MAPK15: variants seen among roughly 807,000 people sequenced by gnomAD.
MAPK15 encodes mitogen-activated protein kinase 15.
In MAPK15, 61 loss-of-function variants were observed where a neutral mutation model predicts 60.8. The ratio of observed to expected loss-of-function variants is 1.00; its 90% CI spans 0.82 to 1.24. MAPK15 has a LOEUF of 1.24. MAPK15 is among the 50% of genes most tolerant of loss of function. MAPK15 has a pLI of 0.00. For missense variants in MAPK15, 808 were observed against 741.1 expected, an observed-to-expected ratio of 1.09 and a Z score of -1.05; for synonymous variants, 356 against 319.9, an observed-to-expected ratio of 1.11 and a Z score of -1.21.
Position 143,716,391 on chromosome 8 carries a change from T to C in MAPK15, c.14T>C (p.Val5Ala), listed in dbSNP as rs781838103. 6 of 1,605,020 alleles carry C rather than the reference T, an allele frequency of 3.7e-6. No individual in the cohort carries two copies. The highest frequency in any genetic ancestry group is 2.3e-5 in the East Asian group (1 of 43,914). Residue 5 changes from valine (V) to alanine (A), a missense_variant, in exon 1 of 14, where the codon GTG becomes GCG. By Grantham distance (64) the Val-to-Ala change is moderately conservative. Transcript: ENST00000338033. MCTV[V>A]DPRIVRRYLL... ...GTCCTGGCCGCCATGTGCACCGTAGTGGACCCTCGCATTGTCCGGAGATAC... is the reference window on the plus strand; with the variant it reads ...GTCCTGGCCGCCATGTGCACCGTAGCGGACCCTCGCATTGTCCGGAGATAC...
At chr8:143,717,640 T>C in intron 1 of MAPK15, 54 bp from the exon 2 acceptor site, 3 of 1,429,676 alleles carry the variant, frequency 2.1e-6, no homozygotes, top group Non-Finnish European at 2.9e-6. Context: ...ACAATCTGGG[T>C]GGGCAGGGGA....
Position 143,720,428 on chromosome 8 carries a change from C to G in MAPK15, c.779+141C>G. On this transcript the variant is annotated intron_variant, in intron 8 of 13. Transcript: ENST00000338033. The surrounding 1 kb of genome is among the most constrained non-coding windows in gnomAD (Gnocchi z 4.6). ...AAGATGGCAGTCCCAAACCCAACAA[C>G]TGTTGGCCACACTGAAAGCAGGAGC... is the stretch of plus-strand genomic sequence containing the variant. 1 of 1,448,408 alleles carries G rather than the reference C, an allele frequency of 6.9e-7. No individual in the cohort carries two copies. The allele number at this position is 1,448,408 out of a possible 1,614,324, so 89.7% of individuals were successfully genotyped here. A position where few individuals can be genotyped will look rare whatever the true frequency, so the allele number is the denominator to read the frequency against.
rs782155789 is a variant in MAPK15 at position 143,721,281 on chromosome 8, G to A, written c.1074G>A (p.Pro358=). The A allele has an allele frequency of 9.9e-6, 16 of 1,613,436 alleles. No individual in the cohort carries two copies. The highest frequency in any genetic ancestry group is 1.6e-4 in the Middle Eastern group (1 of 6,080). ...GSSGTSREKG[P]EGVSPSQAHL... is the part of the protein sequence containing the mutation. ...GCGGCACCTCGAGAGAGAAGGGCCC[G>A]GAGGGTGTCTCCCCAAGCCAGGCAC... The change falls in exon 11 of 14, where the codon CCG becomes CCA. Residue 358 remains proline, a synonymous_variant. Transcript: ENST00000338033.
In MAPK15 at chr8:143,720,528, G is replaced by A. The variant is rs573401501; in HGVS notation, c.780-175G>A. ...GAGAGGAGGGCACCAGGGGGCCGCAGGGGTCTCTCCACCCTGCAGGGGCCC... is the reference window on the plus strand; with the variant it reads ...GAGAGGAGGGCACCAGGGGGCCGCAAGGGTCTCTCCACCCTGCAGGGGCCC... On this transcript the variant is annotated intron_variant, in intron 8 of 13. Transcript: ENST00000338033. The surrounding 1 kb of genome is among the most constrained non-coding windows in gnomAD (Gnocchi z 4.6). The A allele has an allele frequency of 3.7e-5, 54 of 1,455,514 alleles. No individual in the cohort carries two copies. The African/African-American group carries it at 6.7e-4, about 18-fold the overall frequency. 90.2% of individuals were successfully genotyped at this position (1,455,514 alleles called of 1,614,324 possible). A position where few individuals can be genotyped will look rare whatever the true frequency, so the allele number is the denominator to read the frequency against.
At position 143,721,651 on chromosome 8, in the gene MAPK15, C is replaced by T. The variant is rs200756292; in HGVS notation, c.1307C>T (p.Ala436Val). ...NGERPPGAKE[A>V]PPLTLSLVKP... ...GAAAGGCCCCCTGGGGCGAAGGAAG[C>T]GCCCCCCTTGACACTCTCGCTGGTA... Residue 436 changes from alanine to valine, a missense_variant, in exon 12 of 14, where the codon GCG (alanine) becomes GTG (valine). Ala to Val is a moderately conservative substitution (Grantham distance 64, BLOSUM62 0). Transcript: ENST00000338033. The T allele has an allele frequency of 5.9e-5, 95 of 1,608,370 alleles. No individual in the cohort carries two copies. The highest frequency in any genetic ancestry group is 3.3e-4 in the Middle Eastern group (2 of 6,028).
chr8:143,720,344 C>T lies in MAPK15; in HGVS notation c.779+57C>T. ...GGTGGCCTATCTCAAGGGAGCAGGG[C>T]CACCTTCCTGCAAGTTTACTGGGGC... On this transcript the variant is annotated intron_variant, in intron 8 of 13. Coordinates refer to ENST00000338033, the MANE Select transcript of MAPK15 (RefSeq NM_139021.3). This position sits in a 1 kb window ranked among gnomAD's most constrained non-coding sequence, Gnocchi z 4.6. 1.3e-6 allele frequency: 2 copies of T among 1,493,352 alleles called. No homozygotes were observed. The highest frequency in any genetic ancestry group is 1.8e-6 in the Non-Finnish European group (2 of 1,118,546). The allele number at this position is 1,493,352 out of a possible 1,614,324, so 92.5% of individuals were successfully genotyped here. A position where few individuals can be genotyped will look rare whatever the true frequency, so the allele number is the denominator to read the frequency against.
At chr8:143,718,727 G>GGGCCCCCCCCC in intron 4 of MAPK15, 48 bp from the exon 5 acceptor site, 4 of 514,504 alleles carry the variant, frequency 7.8e-6, no homozygotes, top group Non-Finnish European at 9.5e-6. Flanking sequence ...CCCCCAGGTT[G>GGGCCCCCCCCC]CCCCCCCAGC....
At chr8:143,718,653 G>A (rs966910136) in intron 4 of MAPK15, 122 bp from the exon 5 acceptor site, 13 of 852,442 alleles carry the variant, frequency 1.5e-5, no homozygotes, top group South Asian at 8.5e-5. Flanking sequence ...ATGGAGGAGC[G>A]GGGCGGCCAG....
At position 143,722,309 on chromosome 8, in the gene MAPK15, C is replaced by G. The variant is rs1333182411; in HGVS notation, c.*58C>G. The stretch of plus-strand genomic sequence containing the variant: ...CCTGCCCCAGCCCCTTCCCCAGACC[C>G]CTCTCCAGTCTCCTGCACCCCTTAG... On this transcript the variant is annotated 3_prime_UTR_variant, in exon 14 of 14. Coordinates refer to ENST00000338033, the MANE Select transcript of MAPK15 (RefSeq NM_139021.3). 47 of 1,440,898 alleles carry G rather than the reference C, an allele frequency of 3.3e-5. No individual in the cohort carries two copies. The highest frequency in any genetic ancestry group is 4.2e-5 in the Non-Finnish European group (45 of 1,077,740). 89.3% of individuals were successfully genotyped at this position (1,440,898 alleles called of 1,614,324 possible).
chr8:143,720,270 G>A lies in MAPK15; in HGVS notation c.762G>A (p.Leu254=), dbSNP rs200797695. ...GCTCAGGCTGCCGTGCCTCTGTGCT[G>A]CACCAGCTGGGGTCCCGGTGAGTGG... ...ALGSGCRASV[L]HQLGSRPRQT... The change falls in exon 8 of 14, where the codon CTG becomes CTA. Residue 254 remains leucine, a synonymous_variant. Transcript: ENST00000338033. This position sits in a 1 kb window ranked among gnomAD's most constrained non-coding sequence, Gnocchi z 4.6. 4 of 1,589,732 alleles carry A rather than the reference G, an allele frequency of 2.5e-6. No individual in the cohort carries two copies. The Admixed American group carries it at 5.2e-5, about 21-fold the overall frequency.
rs2131583363 is a variant in MAPK15, at chr8:143,721,838, C to T, written c.1416C>T (p.Asp472=). The part of the protein sequence containing the change: ...QVANQALIRG[D]WNRGGGVRVA... ...CCAACCAGGCCCTGATCCGGGGTGA[C>T]TGGAACCGGGGCGGTGGGGTGAGGG... Residue 472 remains aspartate, a synonymous_variant, in exon 13 of 14, where the codon GAC becomes GAT. Transcript: ENST00000338033. 1 of 1,609,378 alleles carries T rather than the reference C, an allele frequency of 6.2e-7. No individual in the cohort carries two copies. Among genetic ancestry groups the T allele is most frequent in the South Asian group, 1.1e-5 (1 of 90,608 alleles).
chr8:143,719,183 C>A (rs782355471), intron 6 of MAPK15, 27 bp downstream of exon 6: 8 of 1,510,764 alleles, frequency 5.3e-6, no homozygotes, highest in Middle Eastern at 2.0e-4. Context: ...CCCAACCCCC[C>A]CTCCACCTCC....
In MAPK15 at chr8:143,719,094, C is replaced by A. The variant is rs140038594; in HGVS notation, c.519C>A (p.Ala173=). Residue 173 remains alanine (A), a synonymous_variant, in exon 6 of 14, where the codon GCC becomes GCA. Transcript: ENST00000338033. ...GDLPEGPEDQ[A]VTEYVATRWY... is the part of the protein sequence containing the mutation. ...TCCCCGAGGGGCCTGAGGACCAGGC[C>A]GTGACAGAGTACGTGGCCACACGCT... 2.3e-5 allele frequency: 36 copies of A among 1,567,934 alleles called. No homozygotes were observed. Among genetic ancestry groups the A allele is most frequent in the Non-Finnish European group, 3.0e-5 (35 of 1,157,010 alleles).
chr8:143,721,184 G>GC lies in MAPK15; in HGVS notation c.1024-43dup, dbSNP rs782768985. 22 of 1,592,456 alleles carry GC rather than the reference G, an allele frequency of 1.4e-5. No individual in the cohort carries two copies. In the East Asian group the frequency reaches 2.5e-4, roughly 18 times the overall value. On this transcript the variant is annotated intron_variant, in intron 10 of 13. Transcript: ENST00000338033. ...CCTCCTATGTCAGAGACCCCCAAAC[G>GC]CCCCATGCCCAGGCTGTGACCTCTG...
chr8:143,720,629 C>T lies in MAPK15; in HGVS notation c.780-74C>T, dbSNP rs782735865. On this transcript the variant is annotated intron_variant, in intron 8 of 13. Transcript: ENST00000338033. This position sits in a 1 kb window ranked among gnomAD's most constrained non-coding sequence, Gnocchi z 4.6. ...GGTGGACCCCAGTTTGGAAGCTGAG[C>T]CCCCAGCCACGAACATGGATCTGAG... 6 of 1,539,346 alleles carry T rather than the reference C, an allele frequency of 3.9e-6. No homozygotes were observed. Among genetic ancestry groups the T allele is most frequent in the Admixed American group, 2.0e-5 (1 of 48,908 alleles).
rs1393470464 is a variant in MAPK15 at position 143,721,190 on chromosome 8, T to C, written c.1024-41T>C. The C allele has an allele frequency of 2.5e-6, 4 of 1,595,400 alleles. No individual in the cohort carries two copies. In the African/African-American group the frequency reaches 4.0e-5, roughly 16 times the overall value. ...ATGTCAGAGACCCCCAAACGCCCCA[T>C]GCCCAGGCTGTGACCTCTGAGCACC... On this transcript the variant is annotated intron_variant, in intron 10 of 13. Coordinates refer to ENST00000338033, the MANE Select transcript of MAPK15 (RefSeq NM_139021.3).
rs782018613 is a variant in MAPK15, at chr8:143,718,855, C to T, written c.367C>T (p.Arg123Trp). 8.7e-6 allele frequency: 14 copies of T among 1,611,670 alleles called. No homozygotes were observed. The highest frequency in any genetic ancestry group is 1.6e-4 in the Middle Eastern group (1 of 6,076). ...HVRSIFYQLL[R>W]ATRFLHSGHV... ...GCGCTCCATCTTCTACCAGCTCCTG[C>T]GGGCCACCCGGTTCCTCCACTCGGG... Residue 123 changes from arginine (R) to tryptophan (W), a missense_variant, in exon 5 of 14, where the codon CGG (arginine) becomes TGG (tryptophan). Physicochemically the swap from Arg to Trp is moderately radical, Grantham distance 101. Coordinates refer to ENST00000338033, the MANE Select transcript of MAPK15 (RefSeq NM_139021.3).
Position 143,720,238 on chromosome 8 carries a change from GCT to G in MAPK15, c.734_735del (p.Leu245ArgfsTer37). 1.3e-6 allele frequency: 2 copies of G among 1,580,472 alleles called. No homozygotes were observed. The highest frequency in any genetic ancestry group is 2.7e-5 in the African/African-American group (2 of 74,426). On this transcript the variant is annotated frameshift_variant, in exon 8 of 14. Coordinates refer to ENST00000338033, the MANE Select transcript of MAPK15 (RefSeq NM_139021.3). LOFTEE classifies it high-confidence loss of function. The surrounding 1 kb of genome is among the most constrained non-coding windows in gnomAD (Gnocchi z 4.6). ...IPPPSEEDLL[A>X]LGSGCRASVL... ...ACCTTCTGCTGCCCCAGACCTCCTG[GCT>G]CTCGGCTCAGGCTGCCGTGCCTCTG... is the stretch of plus-strand genomic sequence containing the variant.
rs370128386 is a variant in MAPK15, at chr8:143,721,439, C to A, written c.1204+28C>A. The A allele has an allele frequency of 2.1e-5, 33 of 1,608,108 alleles. 1 individual carries two copies. In the South Asian group the frequency reaches 3.6e-4, roughly 18 times the overall value. ...GTGTGATCTTTGCTGGCCGCCCACG[C>A]GGAGCACGGCCCGGGCCCCTTCTGC... is the stretch of plus-strand genomic sequence containing the variant. On this transcript the variant is annotated intron_variant, in intron 11 of 13. Coordinates refer to ENST00000338033, the MANE Select transcript of MAPK15 (RefSeq NM_139021.3).
Sources: gnomAD v4.1 joint callset for allele counts on GRCh38, gnomAD v4.1.1 for gene constraint, Gnocchi (gnomAD v3.1) non-coding constraint, MANE v1.5 for transcripts, NCBI Gene and HGNC (gene_info 2026-07-23, HGNC 2026-07-21) for gene names.